The following PPFIA2 variants were observed in gnomAD, a reference collection of about 807,000 sequenced individuals.
PPFIA2 encodes PPFI scaffold protein A2, also known as liprin-alpha-2.
PPFIA2 carries 46 observed loss-of-function variants against 175.5 expected under a neutral mutation model. The ratio of observed to expected loss-of-function variants is 0.26; its 90% CI spans 0.21 to 0.34. PPFIA2 has a LOEUF of 0.34. Ranked by LOEUF, PPFIA2 falls within the 10% of genes least tolerant of loss-of-function variation. The pLI is 1.00. For missense variants in PPFIA2, 1,179 were observed against 1,506.1 expected (o/e 0.78, Z 3.60); for synonymous variants, 568 against 511.4 (o/e 1.11, Z -1.49).
At chr12:81,409,397 G>A (rs1046520160) in intron 7 of PPFIA2, among the ~76,000 whole-genome samples, 5 of 152,044 alleles carry the variant, frequency 3.3e-5, no homozygotes, top group African/African-American at 9.7e-5. Flanking sequence ...AGGTTTTTAC[G>A]GCATGAGGGC....
At chr12:81,741,531 G>T (rs2082321698) in intron 3 of PPFIA2, among the ~76,000 whole-genome samples, 1 of 152,034 alleles carries the variant, frequency 6.6e-6, no homozygotes, top group Non-Finnish European at 1.5e-5. Flanking sequence ...ACTCAAGCTT[G>T]TCCAACCTGG....
chr12:81,401,718 T>C (rs949160970), intron 8 of PPFIA2, among the ~76,000 whole-genome samples: 2 of 152,186 alleles, frequency 1.3e-5, no homozygotes, highest in Non-Finnish European at 2.9e-5. Flanking sequence ...ATACAAGTAA[T>C]GAGCATTATT....
intron 4 of PPFIA2, among the ~76,000 whole-genome samples, chr12:81,656,470 T>C (rs1212925173): frequency 3.3e-5 from 5 of 152,132 alleles, no homozygotes; most frequent in African/African-American, 1.2e-4. Context: ...AATATGTCCA[T>C]GTAACAAAGC....
rs1421363611 is a variant in PPFIA2 at position 81,685,686 on chromosome 12, G to T, written c.250-8842C>A. Among the ~76,000 whole-genome samples, 2 of 152,008 alleles carry T rather than the reference G, an allele frequency of 1.3e-5. 1 individual carries two copies. The highest frequency in any genetic ancestry group is 4.1e-4 in the South Asian group (2 of 4,824). ...TAAATCTGCAGAACAACATGAGGAA[G>T]AATTTTGAGAAATGTGGTGTTAAAA... On this transcript the variant is annotated intron_variant, in intron 3 of 32. Coordinates refer to ENST00000549396, the MANE Select transcript of PPFIA2 (RefSeq NM_003625.5).
chr12:81,355,939 G>A (rs758034711), intron 16 of PPFIA2, among the ~76,000 whole-genome samples: 33 of 152,100 alleles, frequency 2.2e-4, no homozygotes, highest in Admixed American at 5.9e-4. Context: ...TCTTACTTGC[G>A]TGTTGTTTCT....
chr12:81,681,692 T>A (rs910208350), intron 3 of PPFIA2, among the ~76,000 whole-genome samples: 1 of 150,388 alleles, frequency 6.6e-6, no homozygotes, highest in Non-Finnish European at 1.5e-5. Context: ...ATACTGTAAG[T>A]CTTGCTTCCT....
chr12:81,428,597 T>C (rs1304977974), intron 7 of PPFIA2, among the ~76,000 whole-genome samples: 1 of 152,016 alleles, frequency 6.6e-6, no homozygotes, highest in Admixed American at 6.6e-5. Context: ...TAATACAATA[T>C]CATCATAAAG....
chr12:81,734,792 C>A (rs888136532), intron 3 of PPFIA2, among the ~76,000 whole-genome samples: 2 of 151,888 alleles, frequency 1.3e-5, no homozygotes, highest in Non-Finnish European at 2.9e-5. Context: ...ACTTTTAAGT[C>A]TCCCAAAAAG....
At chr12:81,726,188 A>G (rs1240787344) in intron 3 of PPFIA2, among the ~76,000 whole-genome samples, 1 of 151,210 alleles carries the variant, frequency 6.6e-6, no homozygotes, top group East Asian at 1.9e-4. Context: ...TACTAAAGCC[A>G]TTCCATACTT....
At chr12:81,618,012 C>T (rs2061583025) in intron 4 of PPFIA2, among the ~76,000 whole-genome samples, 1 of 152,136 alleles carries the variant, frequency 6.6e-6, no homozygotes, top group African/African-American at 2.4e-5. Context: ...TTTAAATCCT[C>T]CATTAAGTAT....
intron 4 of PPFIA2, among the ~76,000 whole-genome samples, chr12:81,514,947 C>T (rs2062225097): frequency 1.3e-5 from 2 of 151,738 alleles, no homozygotes; most frequent in African/African-American, 2.4e-5. Context: ...TCTTCTTATC[C>T]ACTTTTTTGC....
At chr12:81,330,983 G>A (rs1806383185) in intron 21 of PPFIA2, among the ~76,000 whole-genome samples, 1 of 152,184 alleles carries the variant, frequency 6.6e-6, no homozygotes, top group Non-Finnish European at 1.5e-5. Context: ...TGCAGAGCAT[G>A]AGTCATTTCT....
chr12:81,578,796 C>A (rs562412711), intron 4 of PPFIA2, among the ~76,000 whole-genome samples: 1 of 151,824 alleles, frequency 6.6e-6, no homozygotes, highest in African/African-American at 2.4e-5. Context: ...TTCTTTTAGC[C>A]ATATCATGAT....
chr12:81,359,860 T>TGAAGA, intron 15 of PPFIA2, among the ~76,000 whole-genome samples: 1 of 152,076 alleles, frequency 6.6e-6, no homozygotes, highest in Non-Finnish European at 1.5e-5. Flanking sequence ...CTTAAAATTA[T>TGAAGA]TCAATGTCCT....
At chr12:81,387,082 T>C (rs557306051) in intron 8 of PPFIA2, among the ~76,000 whole-genome samples, 2 of 152,052 alleles carry the variant, frequency 1.3e-5, no homozygotes, top group Non-Finnish European at 2.9e-5. Context: ...TGATTTCAGA[T>C]ACCTTTCCTT....
At chr12:81,317,834 C>T (rs761170391) in intron 22 of PPFIA2, among the ~76,000 whole-genome samples, 1 of 151,666 alleles carries the variant, frequency 6.6e-6, no homozygotes, top group Non-Finnish European at 1.5e-5. Flanking sequence ...TACAGAGGAT[C>T]ACAGAATCTC....
intron 9 of PPFIA2, among the ~76,000 whole-genome samples, chr12:81,380,295 G>T (rs906505651): frequency 3.9e-5 from 6 of 152,224 alleles, no homozygotes; most frequent in Admixed American, 6.6e-5. Context: ...GAGCCTAGGA[G>T]TTCGAGGTTG....
intron 4 of PPFIA2, among the ~76,000 whole-genome samples, chr12:81,509,784 T>G (rs1243047993): frequency 6.6e-6 from 1 of 152,142 alleles, no homozygotes; most frequent in Non-Finnish European, 1.5e-5. Flanking sequence ...AACTTGGACG[T>G]CATCTTTAAA....
At chr12:81,678,307 A>G (rs1039350657) in intron 3 of PPFIA2, among the ~76,000 whole-genome samples, 1 of 151,878 alleles carries the variant, frequency 6.6e-6, no homozygotes, top group African/African-American at 2.4e-5. Context: ...TTATGCTACT[A>G]ATTCACTTAG....
Sources: allele counts gnomAD v4.1 joint callset (sites outside exome capture counted in the v4.1 genomes callset), GRCh38; gene constraint gnomAD v4.1.1; transcripts MANE v1.5; gene names NCBI Gene and HGNC (gene_info 2026-07-23, HGNC 2026-07-21).